The following CNGB3 variants were observed in gnomAD, a reference collection of about 807,000 sequenced individuals.
CNGB3 encodes the protein cyclic nucleotide gated channel subunit beta 3.
In CNGB3, 86 loss-of-function variants were observed where a neutral mutation model predicts 92.8. The observed-to-expected ratio is 0.93, with a 90% confidence interval of 0.78 to 1.11. The LOEUF (loss-of-function observed/expected upper bound fraction) is 1.11, where lower values mean the gene tolerates loss of function less well. CNGB3 is among the 50% of genes least tolerant of loss of function. The pLI is 0.00. For synonymous variants in CNGB3, 333 were observed against 332.7 expected (o/e 1.00, Z -0.01); for missense variants, 1,026 against 956.8 (o/e 1.07, Z -0.95).
chr8:86,679,633 C>A (rs1026323655), intron 3 of CNGB3, among the ~76,000 whole-genome samples: 1 of 152,078 alleles, frequency 6.6e-6, no homozygotes, highest in Non-Finnish European at 1.5e-5. Context: ...TCGAGCAATT[C>A]TCCTGTCTCA....
intron 2 of CNGB3, among the ~76,000 whole-genome samples, chr8:86,726,883 G>C: frequency 6.6e-6 from 1 of 152,166 alleles, no homozygotes; most frequent in East Asian, 1.9e-4. Flanking sequence ...TTTAATGACA[G>C]AGATATATTC....
At chr8:86,688,773 A>C (rs1284766316) in intron 3 of CNGB3, among the ~76,000 whole-genome samples, 3 of 151,064 alleles carry the variant, frequency 2.0e-5, no homozygotes, top group African/African-American at 7.3e-5. Flanking sequence ...TTTTCATTTC[A>C]TTGGTCTTTT....
intron 10 of CNGB3, among the ~76,000 whole-genome samples, chr8:86,638,521 A>T (rs1823117757): frequency 6.6e-6 from 1 of 152,188 alleles, no homozygotes; most frequent in South Asian, 2.1e-4. Context: ...AACTACCTCA[A>T]TCCATCTTAG....
rs1821632429 is a variant in CNGB3, at chr8:86,575,002, C to A, written c.*802G>T. The A allele has an allele frequency of 6.6e-6, 1 of 152,188 alleles. No individual in the cohort carries two copies. 9.4% of individuals were successfully genotyped at this position (152,188 alleles called of 1,614,324 possible). ...TTCCAGCAAGTGCTTGAGGAAGATT[C>A]TGATAAGTGTCACTTTAGCCTGTAT... On this transcript the variant is annotated 3_prime_UTR_variant, in exon 18 of 18. Coordinates refer to ENST00000320005, the MANE Select transcript of CNGB3 (RefSeq NM_019098.5).
At chr8:86,648,752 C>T (rs1178423390) in intron 7 of CNGB3, among the ~76,000 whole-genome samples, 1 of 150,898 alleles carries the variant, frequency 6.6e-6, no homozygotes, top group Non-Finnish European at 1.5e-5. Context: ...CAGTTAAGAA[C>T]ATATTGTAAG....
At chr8:86,588,940 A>G in intron 15 of CNGB3, among the ~76,000 whole-genome samples, 1 of 152,024 alleles carries the variant, frequency 6.6e-6, no homozygotes, top group African/African-American at 2.4e-5. Context: ...TACCTCTGGT[A>G]GAATTCGGCT....
At chr8:86,674,138 A>C (rs1486251959) in intron 3 of CNGB3, among the ~76,000 whole-genome samples, 1 of 152,214 alleles carries the variant, frequency 6.6e-6, no homozygotes, top group East Asian at 1.9e-4. Flanking sequence ...GCTATGTTGA[A>C]TGTTGCTGAA....
In CNGB3 at chr8:86,644,389, T is replaced by C. The variant is rs531523386; in HGVS notation, c.1055+233A>G. 3.3e-5 allele frequency among the ~76,000 whole-genome samples: 5 copies of C among 151,564 alleles called. No homozygotes were observed. The East Asian group carries it at 9.6e-4, about 29-fold the overall frequency. On this transcript the variant is annotated intron_variant, in intron 9 of 17. Coordinates refer to ENST00000320005, the MANE Select transcript of CNGB3 (RefSeq NM_019098.5). Reference sequence around the variant, plus strand: ...CTGTACTTGTTTTGACAGAGGCAGATAATAAGTCCTATTTTCTTAGTCCAG... The same window carrying C: ...CTGTACTTGTTTTGACAGAGGCAGACAATAAGTCCTATTTTCTTAGTCCAG...
chr8:86,650,935 G>A (rs1823390406), intron 7 of CNGB3, among the ~76,000 whole-genome samples: 1 of 151,680 alleles, frequency 6.6e-6, no homozygotes, highest in Non-Finnish European at 1.5e-5. Context: ...ACCAATGAGT[G>A]GATAAAGAAA....
At chr8:86,674,941 TTTGTTGTTGTTGTTG>T (rs79993104) in intron 3 of CNGB3, among the ~76,000 whole-genome samples, 4 of 149,226 alleles carry the variant, frequency 2.7e-5, no homozygotes, top group African/African-American at 7.5e-5. Context: ...TTTCTCTCTT[TTTGTTGTTGTTGTTG>T]TTGTTGTTGT....
chr8:86,609,454 C>G (rs1335138508), intron 14 of CNGB3, among the ~76,000 whole-genome samples: 1 of 152,140 alleles, frequency 6.6e-6, no homozygotes, highest in East Asian at 1.9e-4. Flanking sequence ...ATCATAATCT[C>G]TCTTCCATTT....
intron 3 of CNGB3, among the ~76,000 whole-genome samples, chr8:86,718,389 C>T (rs1456406971): frequency 6.6e-6 from 1 of 152,070 alleles, no homozygotes; most frequent in Non-Finnish European, 1.5e-5. Flanking sequence ...ACTATGAACA[C>T]CTTTACACAC....
intron 6 of CNGB3, chr8:86,659,728 A>T (rs1292475866): frequency 2.7e-6 from 1 of 372,430 alleles, no homozygotes; most frequent in African/African-American, 2.1e-5. Flanking sequence ...CTTCTCGGAC[A>T]TGAGGATCCC....
chr8:86,657,930 C>T, intron 6 of CNGB3: 2 of 551,422 alleles, frequency 3.6e-6, no homozygotes, highest in South Asian at 2.8e-5. Context: ...GCTCCCCCTG[C>T]CATGCCCTGG....
At chr8:86,581,237 C>T (rs1167912503) in intron 15 of CNGB3, among the ~76,000 whole-genome samples, 1 of 152,172 alleles carries the variant, frequency 6.6e-6, no homozygotes, top group Non-Finnish European at 1.5e-5. Flanking sequence ...AAAACTACAG[C>T]CATATCTGCT....
intron 2 of CNGB3, among the ~76,000 whole-genome samples, chr8:86,737,887 A>G (rs1252169330): frequency 6.6e-6 from 1 of 152,202 alleles, no homozygotes; most frequent in Non-Finnish European, 1.5e-5. Flanking sequence ...CTTCGACTGC[A>G]GGGATATTCC....
At chr8:86,694,114 C>T in intron 3 of CNGB3, among the ~76,000 whole-genome samples, 1 of 107,302 alleles carries the variant, frequency 9.3e-6, no homozygotes, top group Non-Finnish European at 2.0e-5. Flanking sequence ...GGGCGGCTGG[C>T]CGGGCGGGGG....
chr8:86,701,806 G>A (rs1022648426), intron 3 of CNGB3, among the ~76,000 whole-genome samples: 1 of 151,930 alleles, frequency 6.6e-6, no homozygotes, highest in Admixed American at 6.6e-5. Context: ...CATTTGTTAC[G>A]AATTTTACCA....
intron 15 of CNGB3, among the ~76,000 whole-genome samples, chr8:86,583,751 C>T (rs1821837247): frequency 1.3e-5 from 2 of 151,810 alleles, no homozygotes; most frequent in South Asian, 4.2e-4. Context: ...AAAATCCCAT[C>T]TCTACAAAAA....
Sources: gnomAD v4.1 joint callset for allele counts (sites outside exome capture counted in the v4.1 genomes callset) on GRCh38, gnomAD v4.1.1 for gene constraint, MANE v1.5 for transcripts, NCBI Gene and HGNC (gene_info 2026-07-23, HGNC 2026-07-21) for gene names.